The following FXYD6 variants were observed in gnomAD, a reference collection of about 807,000 sequenced individuals.
FXYD6 encodes FXYD domain containing ion transport regulator 6, also known as FXYD domain-containing ion transport regulator 6.
FXYD6 carries 7 observed loss-of-function variants against 16.7 expected under a neutral mutation model. That is an observed-to-expected ratio of 0.42 (90% CI 0.24 to 0.79). The LOEUF (loss-of-function observed/expected upper bound fraction) is 0.79, where lower values mean the gene tolerates loss of function less well. Ranked by LOEUF, FXYD6 falls within the 30% of genes least tolerant of loss-of-function variation. FXYD6 has a pLI of 0.28. For synonymous variants in FXYD6, 49 were observed against 43.0 expected (o/e 1.14, Z -0.54); for missense variants, 111 against 116.2 (o/e 0.95, Z 0.21).
Position 117,838,088 on chromosome 11 carries a change from C to T in FXYD6, c.*211G>A, listed in dbSNP as rs76082362. The T allele has an allele frequency of 0.031, 21,158 of 685,482 alleles. 474 individuals are homozygous for T. Among genetic ancestry groups the T allele is most frequent in the Non-Finnish European group, 0.04 (15,022 of 375,028 alleles). The allele number at this position is 685,482 out of a possible 1,614,324, so 42.5% of individuals were successfully genotyped here. A position where few individuals can be genotyped will look rare whatever the true frequency, so the allele number is the denominator to read the frequency against. On this transcript the variant is annotated 3_prime_UTR_variant, in exon 8 of 8. Coordinates refer to ENST00000526014, the MANE Select transcript of FXYD6 (RefSeq NM_022003.4). ...ACACATCACGGGAGGTGGGCAGGAC[C>T]GCAGGCTGCAGTGGGGAGGCAAGTG...
chr11:117,843,328 C>T (rs1456325378), intron 1 of FXYD6, among the ~76,000 whole-genome samples: 4 of 152,270 alleles, frequency 2.6e-5, no homozygotes, highest in South Asian at 2.1e-4. Flanking sequence ...TAACGCAGGC[C>T]GAGAACCTGA....
intron 1 of FXYD6, among the ~76,000 whole-genome samples, chr11:117,851,931 T>C (rs918772865): frequency 3.3e-5 from 5 of 152,228 alleles, no homozygotes; most frequent in African/African-American, 1.2e-4. Context: ...GATGATGGTG[T>C]TATATCATAT....
rs1235271027 is a variant in FXYD6 at position 117,872,992 on chromosome 11, T to C, written c.-6+3600A>G. ...GACCTCCAAAATGACAGCCCAGTCC[T>C]CTCCAGTTGTCTCTTCCAGAGAACA... On this transcript the variant is annotated intron_variant, in intron 1 of 7. Coordinates refer to ENST00000526014, the MANE Select transcript of FXYD6 (RefSeq NM_022003.4). The surrounding 1 kb of genome is among the most constrained non-coding windows in gnomAD (Gnocchi z 4.9). Among the ~76,000 whole-genome samples the C allele has an allele frequency of 6.6e-6, 1 of 151,952 alleles. No individual in the cohort carries two copies. The highest frequency in any genetic ancestry group is 1.5e-5 in the Non-Finnish European group (1 of 67,974).
intron 1 of FXYD6, among the ~76,000 whole-genome samples, chr11:117,856,416 G>A (rs982125211): frequency 6.6e-6 from 1 of 151,826 alleles, no homozygotes; most frequent in African/African-American, 2.4e-5. Flanking sequence ...AGCTTCACTC[G>A]CCTCCCCTGG....
At position 117,851,296 on chromosome 11, in the gene FXYD6, TCC is replaced by T. The variant is rs1483087617; in HGVS notation, c.-5-8517_-5-8516del. ...GCCTCTTGTGTGCTCTCTCTCTCTCTCCCTCCCTCTCGGATTGCTTGTTCTGA... is the reference window on the plus strand; with the variant it reads ...GCCTCTTGTGTGCTCTCTCTCTCTCTCTCCCTCTCGGATTGCTTGTTCTGA... On this transcript the variant is annotated intron_variant, in intron 1 of 7. Transcript: ENST00000526014. 2.7e-5 allele frequency among the ~76,000 whole-genome samples: 4 copies of T among 150,604 alleles called. No individual in the cohort carries two copies. The Admixed American group carries it at 2.7e-4, about 10-fold the overall frequency.
intron 1 of FXYD6, among the ~76,000 whole-genome samples, chr11:117,873,174 T>C (rs1262248409): frequency 6.6e-6 from 1 of 152,014 alleles, no homozygotes; most frequent in Non-Finnish European, 1.5e-5. Context: ...CCACACTGGG[T>C]GAAAAGGAAA....
At chr11:117,860,955 G>C (rs1045927489) in intron 1 of FXYD6, among the ~76,000 whole-genome samples, 9 of 152,194 alleles carry the variant, frequency 5.9e-5, no homozygotes, top group Non-Finnish European at 8.8e-5. Flanking sequence ...AAGTAGCAGA[G>C]CCTAGATTCA....
intron 1 of FXYD6, among the ~76,000 whole-genome samples, chr11:117,844,409 G>A (rs573114021): frequency 3.3e-5 from 5 of 152,118 alleles, no homozygotes; most frequent in Non-Finnish European, 7.4e-5. Flanking sequence ...GACTGCTGCA[G>A]TGACCTCTAT....
intron 1 of FXYD6, among the ~76,000 whole-genome samples, chr11:117,862,321 G>A (rs1002676659): frequency 1.5e-4 from 23 of 152,170 alleles, no homozygotes; most frequent in Admixed American, 4.6e-4. Context: ...CTGAGGCCTC[G>A]GCTGCCCTGG....
At chr11:117,855,348 G>A (rs1305593521) in intron 1 of FXYD6, among the ~76,000 whole-genome samples, 3 of 152,208 alleles carry the variant, frequency 2.0e-5, no homozygotes, top group African/African-American at 7.2e-5. Context: ...GCGGGAGCGG[G>A]GAGGAGGGGG....
Position 117,858,701 on chromosome 11 carries a change from T to TC in FXYD6, c.-5-15921_-5-15920insG, listed in dbSNP as rs1565323741. ...TTTCTTTCTTTCTTTCTTTCTTTCT[T>TC]TCTCTCTCTCTCTCCTTCCTTCCCT... On this transcript the variant is annotated intron_variant, in intron 1 of 7. Coordinates refer to ENST00000526014, the MANE Select transcript of FXYD6 (RefSeq NM_022003.4). 7.6e-3 allele frequency among the ~76,000 whole-genome samples: 443 copies of TC among 58,362 alleles called. 10 individuals carry two copies. Among genetic ancestry groups the TC allele is most frequent in the African/African-American group, 0.033 (400 of 12,154 alleles). 38.3% of individuals were successfully genotyped at this position (58,362 alleles called of 152,430 possible).
intron 1 of FXYD6, among the ~76,000 whole-genome samples, chr11:117,871,953 G>A (rs748909134): frequency 1.6e-4 from 25 of 152,184 alleles, no homozygotes; most frequent in African/African-American, 3.1e-4. Context: ...ACCAGGCTTC[G>A]GATGACCATC....
intron 3 of FXYD6, 46 bp downstream of exon 3, chr11:117,841,944 G>T (rs1362188183): frequency 1.2e-6 from 2 of 1,614,012 alleles, no homozygotes; most frequent in African/African-American, 1.3e-5. Flanking sequence ...TGCCAGGCAG[G>T]GCTGCATTCC....
At chr11:117,875,245 T>A (rs2057231167) in intron 1 of FXYD6, among the ~76,000 whole-genome samples, 3 of 151,792 alleles carry the variant, frequency 2.0e-5, no homozygotes, top group African/African-American at 7.3e-5. Flanking sequence ...GTGGTGTGAG[T>A]GTGAGGGTGT....
rs182961706 is a variant in FXYD6 at position 117,850,742 on chromosome 11, C to T, written c.-5-7961G>A. On this transcript the variant is annotated intron_variant, in intron 1 of 7. Coordinates refer to ENST00000526014, the MANE Select transcript of FXYD6 (RefSeq NM_022003.4). ...TCCTGGGCTCAGGTGATCTGCCTGC[C>T]TTGGCCTCCCAAAGTGCTGGGATTA... Among the ~76,000 whole-genome samples the T allele has an allele frequency of 8.0e-4, 121 of 151,256 alleles. 2 individuals carry two copies. Among genetic ancestry groups the T allele is most frequent in the African/African-American group, 2.8e-3 (117 of 41,336 alleles).
chr11:117,847,678 T>C (rs895588157), intron 1 of FXYD6, among the ~76,000 whole-genome samples: 1 of 152,090 alleles, frequency 6.6e-6, no homozygotes. Flanking sequence ...TCCATGTCCC[T>C]ACAAAGGACA....
intron 1 of FXYD6, among the ~76,000 whole-genome samples, chr11:117,874,936 TCCA>T (rs2057223491): frequency 1.3e-5 from 2 of 152,210 alleles, no homozygotes; most frequent in Non-Finnish European, 2.9e-5. Flanking sequence ...TGCCTTTCCC[TCCA>T]CCTTCCTCTG....
chr11:117,865,579 C>T (rs2056995838), intron 1 of FXYD6, among the ~76,000 whole-genome samples: 1 of 152,176 alleles, frequency 6.6e-6, no homozygotes, highest in Non-Finnish European at 1.5e-5. Context: ...TTGTGCCCAG[C>T]AGCTGTGAGA....
At chr11:117,861,837 G>A (rs1401102108) in intron 1 of FXYD6, among the ~76,000 whole-genome samples, 2 of 152,214 alleles carry the variant, frequency 1.3e-5, no homozygotes, top group South Asian at 2.1e-4. Flanking sequence ...GATGTGGAGG[G>A]GCCTCGGCCC....
Sources: allele counts gnomAD v4.1 joint callset (sites outside exome capture counted in the v4.1 genomes callset), GRCh38; gene constraint gnomAD v4.1.1; non-coding constraint Gnocchi (gnomAD v3.1); transcripts MANE v1.5; gene names NCBI Gene and HGNC (gene_info 2026-07-23, HGNC 2026-07-21).